Variants in DGKI observed in about 807,000 individuals in gnomAD.
DGKI encodes the protein DAG kinase iota.
A neutral mutation model predicts 147.5 loss-of-function variants in DGKI; 55 were observed. The observed-to-expected ratio is 0.37, with a 90% CI of 0.30 to 0.47. DGKI has a LOEUF of 0.47. Among genes scored for constraint, DGKI ranks in the 20% least tolerant of loss-of-function variants. The pLI, the probability that DGKI is intolerant of heterozygous loss-of-function variation, is 1.00. For missense variants in DGKI, 1,007 were observed against 1,323.8 expected, an observed-to-expected ratio of 0.76 and a Z score of 3.71; for synonymous variants, 469 against 477.1, an observed-to-expected ratio of 0.98 and a Z score of 0.22.
intron 1 of DGKI, among the ~76,000 whole-genome samples, chr7:137,845,191 G>A (rs889044182): frequency 5.3e-5 from 8 of 152,296 alleles, no homozygotes; most frequent in Admixed American, 4.6e-4. Flanking sequence ...CCAGGAAGGC[G>A]TTTTAGGAGT....
At chr7:137,620,328 AAT>A (rs1820703667) in intron 7 of DGKI, among the ~76,000 whole-genome samples, 1 of 152,124 alleles carries the variant, frequency 6.6e-6, no homozygotes, top group Non-Finnish European at 1.5e-5. Context: ...TTTTGCACAA[AAT>A]GTTCACATAC....
intron 1 of DGKI, among the ~76,000 whole-genome samples, chr7:137,751,944 A>G (rs1466992166): frequency 1.3e-5 from 2 of 152,242 alleles, no homozygotes; most frequent in Non-Finnish European, 2.9e-5. Context: ...AAGCAGCATC[A>G]CTTTATTAAT....
intron 21 of DGKI, among the ~76,000 whole-genome samples, chr7:137,518,172 G>A (rs907537048): frequency 1.3e-5 from 2 of 152,062 alleles, no homozygotes; most frequent in African/African-American, 4.8e-5. Flanking sequence ...TTTTTGGAGA[G>A]CACACTAATG....
intron 21 of DGKI, among the ~76,000 whole-genome samples, chr7:137,504,114 A>C (rs777302535): frequency 6.6e-5 from 10 of 152,196 alleles, no homozygotes; most frequent in Non-Finnish European, 4.4e-5. Flanking sequence ...TTTCACACTA[A>C]GTCCATGTGA....
At chr7:137,471,946 C>T (rs962270394) in intron 23 of DGKI, among the ~76,000 whole-genome samples, 2 of 133,668 alleles carry the variant, frequency 1.5e-5, no homozygotes, top group African/African-American at 5.9e-5. Context: ...AATATATACA[C>T]ATGTATATAT....
At position 137,517,252 on chromosome 7, in the gene DGKI, A is replaced by AAG. The variant is rs1554421179; in HGVS notation, c.2248+4613_2248+4614insCT. Among the ~76,000 whole-genome samples, 1,109 of 129,036 alleles carry AAG rather than the reference A, an allele frequency of 8.6e-3. 39 individuals carry two copies. Among genetic ancestry groups the AAG allele is most frequent in the Admixed American group, 0.044 (551 of 12,466 alleles). 84.7% of individuals were successfully genotyped at this position (129,036 alleles called of 152,430 possible). On this transcript the variant is annotated intron_variant, in intron 21 of 32. Transcript: ENST00000614521. ...AAGAAAGAAAGAAAGAAAGAAAAGA[A>AAG]AAAGAAAGAAAGAAAGAAAGAAAAG...
At chr7:137,716,256 C>T (rs1794373561) in intron 1 of DGKI, among the ~76,000 whole-genome samples, 1 of 152,192 alleles carries the variant, frequency 6.6e-6, no homozygotes. Context: ...TTTGCGACAT[C>T]TTCAGACAAT....
intron 24 of DGKI, among the ~76,000 whole-genome samples, chr7:137,468,054 G>A (rs1814728182): frequency 6.7e-6 from 1 of 148,352 alleles, no homozygotes; most frequent in Non-Finnish European, 1.5e-5. Flanking sequence ...ATCTAACAAA[G>A]CCCAAATATT....
At chr7:137,830,214 C>T (rs1413053490) in intron 1 of DGKI, among the ~76,000 whole-genome samples, 1 of 152,206 alleles carries the variant, frequency 6.6e-6, no homozygotes, top group Non-Finnish European at 1.5e-5. Context: ...ATGAGTTTCA[C>T]AGCAATTGGT....
intron 1 of DGKI, among the ~76,000 whole-genome samples, chr7:137,768,360 C>T (rs1439494712): frequency 6.6e-6 from 1 of 151,982 alleles, no homozygotes; most frequent in African/African-American, 2.4e-5. Flanking sequence ...GAGCAGGACT[C>T]AATAGTGGGG....
chr7:137,738,034 G>A (rs1185612983), intron 1 of DGKI, among the ~76,000 whole-genome samples: 1 of 152,104 alleles, frequency 6.6e-6, no homozygotes, highest in African/African-American at 2.4e-5. Flanking sequence ...TTTATTAAGA[G>A]TTTTCATGTT....
At chr7:137,598,954 CAAAT>C (rs1819891303) in intron 11 of DGKI, among the ~76,000 whole-genome samples, 1 of 152,048 alleles carries the variant, frequency 6.6e-6, no homozygotes, top group South Asian at 2.1e-4. Context: ...AAGAAAATAA[CAAAT>C]TAATTTTCAT....
chr7:137,541,615 T>C (rs1430677338), intron 20 of DGKI, among the ~76,000 whole-genome samples: 1 of 152,160 alleles, frequency 6.6e-6, no homozygotes, highest in Non-Finnish European at 1.5e-5. Context: ...TTTTTGTATA[T>C]CCAATTGATT....
intron 27 of DGKI, among the ~76,000 whole-genome samples, chr7:137,460,912 A>C (rs1814415980): frequency 6.6e-6 from 1 of 152,228 alleles, no homozygotes; most frequent in Admixed American, 6.5e-5. Context: ...TTTTGATTAG[A>C]ACATAGTTTA....
At chr7:137,539,849 T>C (rs1043376308) in intron 20 of DGKI, among the ~76,000 whole-genome samples, 65 of 152,052 alleles carry the variant, frequency 4.3e-4, no homozygotes, top group African/African-American at 1.5e-3. Flanking sequence ...GATAGATCTC[T>C]ACCAAGATTG....
At chr7:137,707,789 A>T (rs1794085382) in intron 1 of DGKI, among the ~76,000 whole-genome samples, 1 of 152,222 alleles carries the variant, frequency 6.6e-6, no homozygotes, top group Non-Finnish European at 1.5e-5. Flanking sequence ...TAAATTACCC[A>T]GTCTCAGGTA....
At chr7:137,406,278 G>A (rs1339362340) in intron 30 of DGKI, among the ~76,000 whole-genome samples, 1 of 152,146 alleles carries the variant, frequency 6.6e-6, no homozygotes, top group Admixed American at 6.5e-5. Flanking sequence ...AGATATTAGT[G>A]TGGCTTCACT....
chr7:137,782,266 G>A (rs929337132), intron 1 of DGKI, among the ~76,000 whole-genome samples: 4 of 152,138 alleles, frequency 2.6e-5, no homozygotes, highest in Admixed American at 2.0e-4. Context: ...TGATGAGAGT[G>A]AGACCGGCCA....
Position 137,381,300 on chromosome 7 carries a change from C to CA in DGKI, c.*9919_*9920insT. ...CCTTTCCCATCCCACCCCCCCCCCC[C>CA]CACCCACCCTCCCTCCACTTCGTAT... On this transcript the variant is annotated 3_prime_UTR_variant, in exon 33 of 33. Transcript: ENST00000614521. 8.7e-6 allele frequency: 1 copy of CA among 115,290 alleles called. No individual in the cohort carries two copies. The highest frequency in any genetic ancestry group is 1.8e-5 in the Non-Finnish European group (1 of 56,560). 7.1% of individuals were successfully genotyped at this position (115,290 alleles called of 1,614,324 possible). A position where few individuals can be genotyped will look rare whatever the true frequency, so the allele number is the denominator to read the frequency against.
Sources: allele counts gnomAD v4.1 joint callset (sites outside exome capture counted in the v4.1 genomes callset), GRCh38; gene constraint gnomAD v4.1.1; transcripts MANE v1.5; gene names NCBI Gene and HGNC (gene_info 2026-07-23, HGNC 2026-07-21).